LAMA2: variants seen among roughly 807,000 people sequenced by gnomAD.
The protein encoded by LAMA2 is laminin subunit alpha-2.
A neutral mutation model predicts 364.8 loss-of-function variants in LAMA2; 269 were observed. The ratio of observed to expected loss-of-function variants is 0.74; its 90% CI spans 0.67 to 0.82. LAMA2 has a LOEUF of 0.82. Among genes scored for constraint, LAMA2 ranks in the 40% least tolerant of loss-of-function variants. LAMA2 has a pLI of 0.00. For synonymous variants in LAMA2, 1,379 were observed against 1,370.6 expected, an observed-to-expected ratio of 1.01 and a Z score of -0.14; for missense variants, 3,807 against 3,873.2, an observed-to-expected ratio of 0.98 and a Z score of 0.45.
chr6:129,489,861 A>G (rs1397109217), intron 56 of LAMA2, among the ~76,000 whole-genome samples: 1 of 152,216 alleles, frequency 6.6e-6, no homozygotes, highest in Non-Finnish European at 1.5e-5. Flanking sequence ...CCACATTCCA[A>G]ACAAATAAGA....
chr6:129,465,965 A>T (rs752637111), intron 51 of LAMA2, among the ~76,000 whole-genome samples: 83 of 151,902 alleles, frequency 5.5e-4, no homozygotes, highest in Non-Finnish European at 1.1e-3. Context: ...TAATTGCTCT[A>T]ATTCTGTGTA....
At position 129,502,716 on chromosome 6, in the gene LAMA2, CT is replaced by C; in HGVS notation, c.8305del (p.Ser2769GlnfsTer25). The C allele has an allele frequency of 6.2e-7, 1 of 1,614,018 alleles. No individual in the cohort carries two copies. Among genetic ancestry groups the C allele is most frequent in the Non-Finnish European group, 8.5e-7 (1 of 1,179,938 alleles). ...ALLIGSKQFGLSRNSHIAIAF... is the reference protein window; with the variant it reads ...ALLIGSKQFGXSRNSHIAIAF... ...TTTGATAGGGAGCAAGCAGTTCGGG[CT>C]TTCAAGAAACAGTCACATTGCAATT... On this transcript the variant is annotated frameshift_variant, in exon 59 of 65. Transcript: ENST00000421865. LOFTEE classifies it high-confidence loss of function.
chr6:128,917,719 T>A (rs1778423613), intron 1 of LAMA2, among the ~76,000 whole-genome samples: 1 of 129,758 alleles, frequency 7.7e-6, no homozygotes, highest in African/African-American at 3.0e-5. Flanking sequence ...TCTTTCTTTC[T>A]TTCTTTCTTT....
At chr6:129,223,954 A>G (rs1038896215) in intron 12 of LAMA2, among the ~76,000 whole-genome samples, 17 of 152,080 alleles carry the variant, frequency 1.1e-4, no homozygotes, top group Non-Finnish European at 1.9e-4. Context: ...CATTTTCACG[A>G]TATTGATTCT....
chr6:129,423,213 C>A (rs1350684911), intron 40 of LAMA2, among the ~76,000 whole-genome samples: 1 of 151,562 alleles, frequency 6.6e-6, no homozygotes, highest in Non-Finnish European at 1.5e-5. Flanking sequence ...TTTAAAAAAA[C>A]CTAACAGCTA....
At chr6:129,149,776 T>G (rs1159500021) in intron 7 of LAMA2, among the ~76,000 whole-genome samples, 1 of 152,178 alleles carries the variant, frequency 6.6e-6, no homozygotes, top group Non-Finnish European at 1.5e-5. Context: ...TGTACTGAAC[T>G]TGTAAAGACC....
intron 40 of LAMA2, among the ~76,000 whole-genome samples, chr6:129,407,948 C>T (rs1780329359): frequency 6.6e-6 from 1 of 152,166 alleles, no homozygotes; most frequent in Non-Finnish European, 1.5e-5. Context: ...CACTGAAACC[C>T]CCTTCTTAGC....
At position 128,929,211 on chromosome 6, in the gene LAMA2, G is replaced by A. The variant is rs1039348356; in HGVS notation, c.112+45854G>A. The A allele has an allele frequency of 2.0e-6, 3 of 1,489,172 alleles. No individual in the cohort carries two copies. In the African/African-American group the frequency reaches 4.1e-5, roughly 21 times the overall value. The allele number at this position is 1,489,172 out of a possible 1,614,324, so 92.2% of individuals were successfully genotyped here. On this transcript the variant is annotated intron_variant, in intron 1 of 64. Coordinates refer to ENST00000421865, the MANE Select transcript of LAMA2 (RefSeq NM_000426.4). Reference sequence around the variant, plus strand: ...ACAGAGGCAAGAGCTCCCACCCAGCGCCTTCTGAGCTTCTTCCTCTGATTG... The same window carrying A: ...ACAGAGGCAAGAGCTCCCACCCAGCACCTTCTGAGCTTCTTCCTCTGATTG...
intron 34 of LAMA2, among the ~76,000 whole-genome samples, chr6:129,379,194 G>T (rs963600977): frequency 6.6e-6 from 1 of 152,096 alleles, no homozygotes; most frequent in South Asian, 2.1e-4. Flanking sequence ...AATGTTCACT[G>T]GGGCCTACCA....
chr6:129,381,853 G>A (rs1778710633), intron 34 of LAMA2, among the ~76,000 whole-genome samples: 1 of 152,094 alleles, frequency 6.6e-6, no homozygotes, highest in African/African-American at 2.4e-5. Flanking sequence ...CATTTGTGAT[G>A]TTAACACTTG....
intron 54 of LAMA2, chr6:129,479,844 T>C (rs1372845235): frequency 6.6e-6 from 1 of 152,218 alleles, no homozygotes; most frequent in African/African-American, 2.4e-5. Context: ...GAATTGGCCA[T>C]AGACACCCAC....
chr6:129,200,317 C>CGTGTACACATATACATATACACGTATAT lies in LAMA2; in HGVS notation c.1782+7489_1782+7516dup, dbSNP rs1182270956. On this transcript the variant is annotated intron_variant, in intron 12 of 64. Coordinates refer to ENST00000421865, the MANE Select transcript of LAMA2 (RefSeq NM_000426.4). ...ACATATACATGTGTGTATATATATACGTGTACACATATACATATACACGTA... is the reference window on the plus strand; with the variant it reads ...ACATATACATGTGTGTATATATATACGTGTACACATATACATATACACGTATATGTGTACACATATACATATACACGTA... Among the ~76,000 whole-genome samples, 38 of 132,780 alleles carry CGTGTACACATATACATATACACGTATAT rather than the reference C, an allele frequency of 2.9e-4. 2 individuals carry two copies. Among genetic ancestry groups the CGTGTACACATATACATATACACGTATAT allele is most frequent in the East Asian group, 8.6e-4 (4 of 4,628 alleles). The allele number at this position is 132,780 out of a possible 152,430, so 87.1% of individuals were successfully genotyped here. A position where few individuals can be genotyped will look rare whatever the true frequency, so the allele number is the denominator to read the frequency against.
At chr6:129,426,465 CTT>C (rs924901674) in intron 40 of LAMA2, among the ~76,000 whole-genome samples, 10 of 145,394 alleles carry the variant, frequency 6.9e-5, no homozygotes, top group African/African-American at 2.5e-4. Flanking sequence ...TTTTGACACT[CTT>C]TTTTTTTTTT....
chr6:128,883,523 T>G (rs563266023), intron 1 of LAMA2, among the ~76,000 whole-genome samples, 166 bp downstream of exon 1: 2 of 152,228 alleles, frequency 1.3e-5, no homozygotes, highest in South Asian at 4.1e-4. Context: ...TTCAATGCCA[T>G]GAGAGCGTAG....
intron 12 of LAMA2, among the ~76,000 whole-genome samples, chr6:129,203,726 G>A (rs931797497): frequency 3.3e-5 from 5 of 152,102 alleles, no homozygotes; most frequent in African/African-American, 1.2e-4. Context: ...TCTCATTTTT[G>A]TGGTTACCTT....
At chr6:129,167,383 T>C (rs1229509109) in intron 9 of LAMA2, among the ~76,000 whole-genome samples, 1 of 145,724 alleles carries the variant, frequency 6.9e-6, no homozygotes, top group Admixed American at 7.2e-5. Context: ...CATTGTTCAA[T>C]TCCCACCTAT....
At chr6:129,377,146 G>C (rs922863264) in intron 34 of LAMA2, among the ~76,000 whole-genome samples, 1 of 151,906 alleles carries the variant, frequency 6.6e-6, no homozygotes, top group Non-Finnish European at 1.5e-5. Context: ...TTTATATTCT[G>C]TAAGGGGAGA....
At chr6:129,220,089 A>G (rs1259573305) in intron 12 of LAMA2, among the ~76,000 whole-genome samples, 1 of 152,130 alleles carries the variant, frequency 6.6e-6, no homozygotes, top group African/African-American at 2.4e-5. Context: ...AAAAATTTGC[A>G]TTTACCAAGT....
At chr6:129,446,514 AGAGGGGAGGGGAGGG>A (rs1250985055) in intron 45 of LAMA2, among the ~76,000 whole-genome samples, 2 of 50,948 alleles carry the variant, frequency 3.9e-5, no homozygotes, top group Non-Finnish European at 6.6e-5. Flanking sequence ...GAAGGGGAGG[AGAGGGGAGGGGAGGG>A]GAGGGGAGGC....
Sources: gnomAD v4.1 joint callset for allele counts (sites outside exome capture counted in the v4.1 genomes callset) on GRCh38, gnomAD v4.1.1 for gene constraint, MANE v1.5 for transcripts, NCBI Gene and HGNC (gene_info 2026-07-23, HGNC 2026-07-21) for gene names.